AKNA: variants seen among roughly 807,000 people sequenced by gnomAD.
AKNA encodes the protein microtubule organization protein AKNA.
AKNA carries 67 observed loss-of-function variants against 138.8 expected under a neutral mutation model. The ratio of observed to expected loss-of-function variants is 0.48; its 90% CI spans 0.40 to 0.59. AKNA has a LOEUF of 0.59. AKNA is among the 20% of genes least tolerant of loss of function. The pLI is 0.00. For missense variants in AKNA, 1,813 were observed against 1,880.4 expected, an observed-to-expected ratio of 0.96 and a Z score of 0.66; for synonymous variants, 737 against 754.4, an observed-to-expected ratio of 0.98 and a Z score of 0.38.
At chr9:114,351,438 G>T (rs1831112298) in intron 14 of AKNA, among the ~76,000 whole-genome samples, 1 of 152,132 alleles carries the variant, frequency 6.6e-6, no homozygotes, top group Non-Finnish European at 1.5e-5. Context: ...TTTCTGGGGA[G>T]AGCATTAATA....
At chr9:114,349,358 A>G (rs917568296) in intron 15 of AKNA, among the ~76,000 whole-genome samples, 13 of 152,218 alleles carry the variant, frequency 8.5e-5, no homozygotes, top group African/African-American at 3.1e-4. Context: ...CTAGCCAGAC[A>G]GAACTCTGAG....
At chr9:114,384,647 C>G (rs1833909048) in intron 1 of AKNA, among the ~76,000 whole-genome samples, 1 of 152,174 alleles carries the variant, frequency 6.6e-6, no homozygotes, top group East Asian at 1.9e-4. Context: ...TCCTTAATAA[C>G]ATTTTCTTTT....
At chr9:114,349,005 A>AGT (rs1287466946) in intron 15 of AKNA, 19 of 455,540 alleles carry the variant, frequency 4.2e-5, no homozygotes, top group Non-Finnish European at 7.9e-5. Flanking sequence ...CCCAGCGCTG[A>AGT]GTGTGTGTGT....
chr9:114,341,039 A>G (rs1242558848), intron 21 of AKNA, among the ~76,000 whole-genome samples: 1 of 152,188 alleles, frequency 6.6e-6, no homozygotes, highest in Non-Finnish European at 1.5e-5. Flanking sequence ...AATGTGCCAC[A>G]TTATTGTAAG....
chr9:114,375,229 C>T (rs1367332528), intron 3 of AKNA, among the ~76,000 whole-genome samples: 1 of 152,212 alleles, frequency 6.6e-6, no homozygotes, highest in African/African-American at 2.4e-5. Context: ...TGAAAAGAGA[C>T]CACAGCACAT....
rs1412532276 is a variant in AKNA, at chr9:114,383,101, C to T, written c.-113-1655G>A. 1.3e-5 allele frequency: 6 copies of T among 455,430 alleles called. No homozygotes were observed. In the East Asian group the frequency reaches 4.2e-4, roughly 32 times the overall value. 28.2% of individuals were successfully genotyped at this position (455,430 alleles called of 1,614,324 possible). A position where few individuals can be genotyped will look rare whatever the true frequency, so the allele number is the denominator to read the frequency against. On this transcript the variant is annotated intron_variant, in intron 1 of 21. Transcript: ENST00000374088. Reference sequence around the variant, plus strand: ...CTGGGAGTGGTTTCGCCGCCGATGGCTGGGGTATTGAACACAGGGAAAGCC... The same window carrying T: ...CTGGGAGTGGTTTCGCCGCCGATGGTTGGGGTATTGAACACAGGGAAAGCC...
chr9:114,383,064 G>A (rs998192628), intron 1 of AKNA: 2 of 451,118 alleles, frequency 4.4e-6, no homozygotes, highest in Non-Finnish European at 8.9e-6. Context: ...CCTACCAGGG[G>A]CTTTCCTGGA....
chr9:114,355,862 C>T, intron 14 of AKNA, 63 bp downstream of exon 14: 1 of 1,536,356 alleles, frequency 6.5e-7, no homozygotes, highest in Non-Finnish European at 8.9e-7. Context: ...AAGGGTTCTG[C>T]AAGTTTTTCT....
chr9:114,347,590 A>C, intron 16 of AKNA, 134 bp downstream of exon 16: 1 of 926,598 alleles, frequency 1.1e-6, no homozygotes, highest in Non-Finnish European at 1.6e-6. Flanking sequence ...CAAGCTCAAC[A>C]GTGAATGAAT....
chr9:114,384,539 ACTC>A (rs1277188309), intron 1 of AKNA, among the ~76,000 whole-genome samples: 4 of 151,798 alleles, frequency 2.6e-5, no homozygotes, highest in Non-Finnish European at 4.4e-5. Flanking sequence ...CTCCCCCTTA[ACTC>A]CTCCTCCTCA....
At chr9:114,398,044 G>T (rs1459452057), upstream of AKNA, among the ~76,000 whole-genome samples, 2 of 152,124 alleles carry the variant, frequency 1.3e-5, no homozygotes, top group Non-Finnish European at 2.9e-5. The surrounding 1 kb of genome is among the most constrained non-coding windows in gnomAD (Gnocchi z 4.2). Flanking sequence ...CACAGCCCGA[G>T]GCCCCGCCAA....
intron 13 of AKNA, 90 bp downstream of exon 13, chr9:114,356,771 CCT>C: frequency 9.0e-7 from 1 of 1,116,716 alleles, no homozygotes. Flanking sequence ...GACAGACCAT[CCT>C]CTCTTATTCT....
Position 114,381,316 on chromosome 9 carries a change from A to G in AKNA, c.18T>C (p.Thr6=). 1.9e-6 allele frequency: 3 copies of G among 1,599,682 alleles called. No individual in the cohort carries two copies. Among genetic ancestry groups the G allele is most frequent in the Non-Finnish European group, 2.6e-6 (3 of 1,172,660 alleles). ...GGCCAGGCTCAGCCCAGCGGATCTC[A>G]GTCTCCGAGCTGGCCATTGGGGCTG... MASSE[T]EIRWAEPGLG... The change falls in exon 2 of 22, where the codon ACT becomes ACC. Residue 6 remains threonine, a synonymous_variant. Transcript: ENST00000374088.
rs992903705 is a variant in AKNA, at chr9:114,353,934, G to T, written c.3058+1991C>A. On this transcript the variant is annotated intron_variant, in intron 14 of 21. Coordinates refer to ENST00000374088, the MANE Select transcript of AKNA (RefSeq NM_001317950.2). ...GAGTGAGTGGTGAGTGAATGTGAAG[G>T]CCTAGGACATTACTGTACACTGCTG... Among the ~76,000 whole-genome samples the T allele has an allele frequency of 4.6e-5, 7 of 152,282 alleles. No individual in the cohort carries two copies. In the South Asian group the frequency reaches 1.5e-3, roughly 32 times the overall value.
At chr9:114,331,066 A>C (rs1467109784), downstream of AKNA, among the ~76,000 whole-genome samples, 1 of 152,080 alleles carries the variant, frequency 6.6e-6, no homozygotes, top group African/African-American at 2.4e-5. Context: ...AGAGACCTCA[A>C]ATAGTTTCCC....
chr9:114,359,512 T>C, intron 11 of AKNA, 82 bp downstream of exon 11: 1 of 1,609,068 alleles, frequency 6.2e-7, no homozygotes, highest in South Asian at 1.1e-5. Flanking sequence ...TGTGAAGCGC[T>C]GTCTTATTCA....
chr9:114,358,474 T>C (rs1831668666), intron 11 of AKNA: 1 of 353,966 alleles, frequency 2.8e-6, no homozygotes, highest in African/African-American at 2.2e-5. Context: ...ATTTCAGTCA[T>C]TTCCATAAAC....
At position 114,341,606 on chromosome 9, in the gene AKNA, G is replaced by C. The variant is rs772883622; in HGVS notation, c.3994C>G (p.Pro1332Ala). 1 of 1,613,938 alleles carries C rather than the reference G, an allele frequency of 6.2e-7. No homozygotes were observed. Among genetic ancestry groups the C allele is most frequent in the South Asian group, 1.1e-5 (1 of 91,070 alleles). The change falls in exon 21 of 22, where the codon CCC becomes GCC. Residue 1332 changes from proline (P) to alanine (A), a missense_variant. Coordinates refer to ENST00000374088, the MANE Select transcript of AKNA (RefSeq NM_001317950.2). Reference protein sequence around the residue: ...PPGLWYLATAPPAPAPPAFAY... With the variant: ...PPGLWYLATAAPAPAPPAFAY... ...AAGGCTGGAGGGGCTGGTGCTGGGGGCGCTGTTGCCAGATACCACAGTCCG... is the reference window on the plus strand; with the variant it reads ...AAGGCTGGAGGGGCTGGTGCTGGGGCCGCTGTTGCCAGATACCACAGTCCG...
chr9:114,377,742 C>T, intron 2 of AKNA: 1 of 583,292 alleles, frequency 1.7e-6, no homozygotes, highest in Admixed American at 3.5e-5. Context: ...CAAACCCAAA[C>T]CCGGTGGATG....
Sources: allele counts gnomAD v4.1 joint callset (sites outside exome capture counted in the v4.1 genomes callset), GRCh38; gene constraint gnomAD v4.1.1; non-coding constraint Gnocchi (gnomAD v3.1); transcripts MANE v1.5; gene names NCBI Gene and HGNC (gene_info 2026-07-23, HGNC 2026-07-21).